PLEKHA5: variants seen among roughly 807,000 people sequenced by gnomAD.
PLEKHA5 encodes the protein pleckstrin homology domain containing A5.
PLEKHA5 carries 55 observed loss-of-function variants against 181.9 expected under a neutral mutation model. That is an observed-to-expected ratio of 0.30 (90% confidence interval 0.24 to 0.38). The LOEUF (loss-of-function observed/expected upper bound fraction) is 0.38. Among genes scored for constraint, PLEKHA5 ranks in the 10% least tolerant of loss-of-function variants. The pLI, the probability that PLEKHA5 is intolerant of heterozygous loss-of-function variation, is 1.00. For missense variants in PLEKHA5, 1,432 were observed against 1,549.5 expected (o/e 0.92, Z 1.27); for synonymous variants, 535 against 529.4 (o/e 1.01, Z -0.15).
At chr12:19,245,010 CA>C (rs1225092346) in intron 3 of PLEKHA5, among the ~76,000 whole-genome samples, 1 of 152,038 alleles carries the variant, frequency 6.6e-6, no homozygotes, top group Non-Finnish European at 1.5e-5. Flanking sequence ...CACATGCTCC[CA>C]CAAGGAAGAA....
intron 3 of PLEKHA5, among the ~76,000 whole-genome samples, chr12:19,157,298 G>A (rs990753999): frequency 6.6e-6 from 1 of 152,274 alleles, no homozygotes; most frequent in South Asian, 2.1e-4. Flanking sequence ...CAGATAATCT[G>A]CCAGGCACTG....
intron 8 of PLEKHA5, among the ~76,000 whole-genome samples, chr12:19,267,493 G>C (rs377598403): frequency 1.3e-5 from 2 of 151,632 alleles, no homozygotes; most frequent in South Asian, 2.1e-4. Flanking sequence ...AACCTCGTCT[G>C]TACTAAAAAT....
intron 3 of PLEKHA5, chr12:19,149,805 A>C (rs1296227698): frequency 2.6e-5 from 4 of 152,208 alleles, no homozygotes; most frequent in Admixed American, 2.6e-4. Context: ...CATCCACCCG[A>C]GTGAGCAGAA....
At chr12:19,270,306 G>A (rs1304701280) in intron 10 of PLEKHA5, 101 bp downstream of exon 10, 1 of 584,320 alleles carries the variant, frequency 1.7e-6, no homozygotes, top group Non-Finnish European at 2.7e-6. Context: ...TTATTTTTAT[G>A]AAGTTAATTT....
chr12:19,216,513 A>AT (rs1237041750), intron 3 of PLEKHA5, among the ~76,000 whole-genome samples: 1 of 152,108 alleles, frequency 6.6e-6, no homozygotes, highest in African/African-American at 2.4e-5. Context: ...AAATACAAAA[A>AT]TTAGCCAGGC....
chr12:19,281,878 G>C (rs182380747), intron 11 of PLEKHA5, among the ~76,000 whole-genome samples: 1 of 151,864 alleles, frequency 6.6e-6, no homozygotes, highest in Non-Finnish European at 1.5e-5. Context: ...GCTTCCTGGG[G>C]TCACGCCATT....
At chr12:19,273,926 T>G (rs2073820260) in intron 10 of PLEKHA5, among the ~76,000 whole-genome samples, 1 of 152,212 alleles carries the variant, frequency 6.6e-6, no homozygotes, top group African/African-American at 2.4e-5. Flanking sequence ...GTTCTGTACT[T>G]TGCCTGAAGA....
At chr12:19,187,171 C>T (rs1440747553) in intron 3 of PLEKHA5, among the ~76,000 whole-genome samples, 1 of 152,106 alleles carries the variant, frequency 6.6e-6, no homozygotes, top group African/African-American at 2.4e-5. Flanking sequence ...CAAAAGCCCG[C>T]TTTTGCTATG....
chr12:19,177,272 A>T (rs1461077551), intron 3 of PLEKHA5, among the ~76,000 whole-genome samples: 1 of 152,164 alleles, frequency 6.6e-6, no homozygotes, highest in Admixed American at 6.5e-5. Flanking sequence ...AATATTGAAC[A>T]TAGAGATGTG....
chr12:19,212,347 A>C (rs1228855532), intron 3 of PLEKHA5, among the ~76,000 whole-genome samples: 1 of 152,216 alleles, frequency 6.6e-6, no homozygotes, highest in African/African-American at 2.4e-5. Context: ...AATATAAGGC[A>C]TCTGTTAAAA....
rs1236593495 is a variant in PLEKHA5 at position 19,364,770 on chromosome 12, G to C, written c.3609-1194G>C. 5.3e-4 allele frequency among the ~76,000 whole-genome samples: 80 copies of C among 151,580 alleles called. 1 individual carries two copies. The highest frequency in any genetic ancestry group is 1.5e-5 in the Non-Finnish European group (1 of 67,938). The stretch of plus-strand genomic sequence containing the variant: ...TCTGCCCCGCCGCCCGATTCAAGCA[G>C]TTCTCCTGCCTCAGCCTCCCAAGTA... On this transcript the variant is annotated intron_variant, in intron 29 of 31. Coordinates refer to ENST00000429027, the MANE Select transcript of PLEKHA5 (RefSeq NM_001256470.2).
chr12:19,141,989 G>T (rs187573533), intron 3 of PLEKHA5, among the ~76,000 whole-genome samples: 2 of 152,084 alleles, frequency 1.3e-5, no homozygotes, highest in African/African-American at 4.8e-5. Context: ...TTGTTTCTTT[G>T]GATAGACATG....
intron 3 of PLEKHA5, among the ~76,000 whole-genome samples, chr12:19,140,197 A>G (rs1006886659): frequency 2.0e-4 from 31 of 152,234 alleles, no homozygotes; most frequent in African/African-American, 7.0e-4. Context: ...AAAGTAAACA[A>G]TAAATAAGTA....
intron 3 of PLEKHA5, chr12:19,152,346 C>T (rs1245678302): frequency 6.6e-6 from 1 of 152,120 alleles, no homozygotes; most frequent in Non-Finnish European, 1.5e-5. Flanking sequence ...GAAGATTTTA[C>T]AAATTCTCAG....
At chr12:19,324,667 G>C (rs1157375535) in intron 20 of PLEKHA5, among the ~76,000 whole-genome samples, 1 of 152,172 alleles carries the variant, frequency 6.6e-6, no homozygotes, top group East Asian at 1.9e-4. Context: ...GATACAATGA[G>C]AAGAGAAGTG....
At chr12:19,266,232 C>T (rs116997408) in intron 8 of PLEKHA5, among the ~76,000 whole-genome samples, 1,825 of 151,320 alleles carry the variant, frequency 0.012, 23 homozygotes, top group Middle Eastern at 0.027. Context: ...CCAGCACTTC[C>T]GGAGACCAAG....
chr12:19,171,052 T>G (rs2045772355), intron 3 of PLEKHA5, among the ~76,000 whole-genome samples: 1 of 152,220 alleles, frequency 6.6e-6, no homozygotes, highest in Admixed American at 6.5e-5. Context: ...GAATAGTAAT[T>G]AATTGTGATA....
At chr12:19,275,534 CAGG>C (rs2074254794) in intron 11 of PLEKHA5, among the ~76,000 whole-genome samples, 3 of 152,128 alleles carry the variant, frequency 2.0e-5, no homozygotes. Context: ...GAGGCCAAAG[CAGG>C]AGAATCGTTT....
Position 19,299,539 on chromosome 12 carries a change from G to A in PLEKHA5, c.2037+7842G>A, listed in dbSNP as rs16915349. Among the ~76,000 whole-genome samples, 1,950 of 152,216 alleles carry A rather than the reference G, an allele frequency of 0.013. 117 individuals carry two copies. In the East Asian group the frequency reaches 0.21, roughly 16 times the overall value. On this transcript the variant is annotated intron_variant, in intron 15 of 31. Coordinates refer to ENST00000429027, the MANE Select transcript of PLEKHA5 (RefSeq NM_001256470.2). The stretch of plus-strand genomic sequence containing the variant: ...TGGTCTCACATCTAGATTTCGTCAC[G>A]TATCCCGTTTTATTGTATAATAGTC...
Sources: allele counts gnomAD v4.1 joint callset (sites outside exome capture counted in the v4.1 genomes callset), GRCh38; gene constraint gnomAD v4.1.1; transcripts MANE v1.5; gene names NCBI Gene and HGNC (gene_info 2026-07-23, HGNC 2026-07-21).